Variants in DCTN1 observed in about 807,000 individuals in gnomAD.
The protein encoded by DCTN1 is dynactin subunit 1.
In DCTN1, 61 loss-of-function variants were observed where a neutral mutation model predicts 161.2. That is an observed-to-expected ratio of 0.38 (90% CI 0.31 to 0.47). The LOEUF (loss-of-function observed/expected upper bound fraction) is 0.47, where lower values mean the gene tolerates loss of function less well. DCTN1 is among the 20% of genes least tolerant of loss of function. DCTN1 has a pLI of 0.99. For missense variants in DCTN1, 1,404 were observed against 1,623.7 expected, an observed-to-expected ratio of 0.86 and a Z score of 2.33; for synonymous variants, 653 against 632.4, an observed-to-expected ratio of 1.03 and a Z score of -0.49.
In DCTN1 at chr2:74,376,764, T is replaced by C; in HGVS notation, c.394-2A>G. 1.2e-6 allele frequency: 2 copies of C among 1,604,356 alleles called. No individual in the cohort carries two copies. The highest frequency in any genetic ancestry group is 1.7e-6 in the Non-Finnish European group (2 of 1,175,448). On this transcript the variant is annotated splice_acceptor_variant, in intron 4 of 31. Coordinates refer to ENST00000628224, the MANE Select transcript of DCTN1 (RefSeq NM_004082.5). LOFTEE classifies it high-confidence loss of function. ...CACCTTCTTAGGCTTCAGTCCCCGCTGCATGAGGAGTAGGAAAGGGCAGAG... is the reference window on the plus strand; with the variant it reads ...CACCTTCTTAGGCTTCAGTCCCCGCCGCATGAGGAGTAGGAAAGGGCAGAG...
At chr2:74,378,389 A>T in intron 1 of DCTN1, 144 bp from the exon 2 acceptor site, 1 of 992,516 alleles carries the variant, frequency 1.0e-6, no homozygotes, top group Non-Finnish European at 1.5e-6. Flanking sequence ...AATTGGGTGG[A>T]CCCCCAAATT....
Position 74,372,163 on chromosome 2 carries a change from C to A in DCTN1, c.454-435G>T, listed in dbSNP as rs547032119. The A allele has an allele frequency of 3.5e-4, 70 of 202,624 alleles. No homozygotes were observed. The South Asian group carries it at 5.6e-3, about 16-fold the overall frequency. 12.6% of individuals were successfully genotyped at this position (202,624 alleles called of 1,614,324 possible). A position where few individuals can be genotyped will look rare whatever the true frequency, so the allele number is the denominator to read the frequency against. On this transcript the variant is annotated intron_variant, in intron 7 of 31. Transcript: ENST00000628224. ...CCTTGCTCCAGGTCTATGCCCTCCACCCCTAGACGGAAAAAGTACAATCTA... is the reference window on the plus strand; with the variant it reads ...CCTTGCTCCAGGTCTATGCCCTCCAACCCTAGACGGAAAAAGTACAATCTA...
intron 29 of DCTN1, 69 bp from the exon 30 acceptor site, chr2:74,362,798 G>A: frequency 1.3e-6 from 2 of 1,486,246 alleles, no homozygotes; most frequent in Non-Finnish European, 1.9e-6. Context: ...TTAAGGGTTA[G>A]GGGTGCAGGT....
upstream of DCTN1, among the ~76,000 whole-genome samples, chr2:74,381,286 G>A (rs1228572675): frequency 6.6e-6 from 1 of 152,172 alleles, no homozygotes; most frequent in African/African-American, 2.4e-5. Flanking sequence ...GCTCCACTGA[G>A]TATGGTATGG....
rs148810193 is a variant in DCTN1 at position 74,372,939 on chromosome 2, G to T, written c.442C>A (p.Arg148=). ...GCCTGTTTTCTCACCTTGGGTCGCC[G>T]AGTTGTGGTCTGGACAGGCAACAGG... ...KAPTARKTTT[R]RPKPTRPAST... is the part of the protein sequence containing the mutation. Residue 148 remains arginine, a synonymous_variant, in exon 7 of 32, where the codon CGG becomes AGG. Transcript: ENST00000628224. 1 of 1,613,894 alleles carries T rather than the reference G, an allele frequency of 6.2e-7. No homozygotes were observed. Among genetic ancestry groups the T allele is most frequent in the Non-Finnish European group, 8.5e-7 (1 of 1,180,002 alleles).
chr2:74,365,861 G>A, intron 24 of DCTN1, 32 bp downstream of exon 24: 2 of 1,613,910 alleles, frequency 1.2e-6, no homozygotes, highest in Non-Finnish European at 8.5e-7. Context: ...CAATTTCCTG[G>A]CCCCCAGATC....
chr2:74,368,709 T>A lies in DCTN1; in HGVS notation c.1854+19A>T. ...AAGTTCACTAGATTTCTGTGGAACATGTGATTGATTGGCCATACCTTGCAA... is the reference window on the plus strand; with the variant it reads ...AAGTTCACTAGATTTCTGTGGAACAAGTGATTGATTGGCCATACCTTGCAA... On this transcript the variant is annotated intron_variant, in intron 16 of 31. Transcript: ENST00000628224. 1 of 1,614,224 alleles carries A rather than the reference T, an allele frequency of 6.2e-7. No individual in the cohort carries two copies. Among genetic ancestry groups the A allele is most frequent in the South Asian group, 1.1e-5 (1 of 91,082 alleles).
intron 3 of DCTN1, 43 bp downstream of exon 3, chr2:74,377,605 C>A (rs1029260769): frequency 1.9e-6 from 3 of 1,557,344 alleles, no homozygotes; most frequent in Non-Finnish European, 2.7e-6. Flanking sequence ...CCTGGGGACT[C>A]CTCCTGGCTA....
At chr2:74,391,814 C>T (rs1483192101) in exon 1 of DCTN1, 1 of 453,882 alleles carries the variant, frequency 2.2e-6, no homozygotes, top group Admixed American at 2.3e-5. Context: ...AGGGGCTCCG[C>T]GCCCAGCTCC....
chr2:74,378,207 G>A lies in DCTN1; in HGVS notation c.72C>T (p.Ala24=), dbSNP rs368633620. The change falls in exon 2 of 32, where the codon GCC becomes GCT. Residue 24 remains alanine, a synonymous_variant. Coordinates refer to ENST00000628224, the MANE Select transcript of DCTN1 (RefSeq NM_004082.5). ...CACGGGAGCCCACCCGCAGAGGCCG[G>A]GCGCTTGCCTCCGCACTCATCCTGC... The part of the protein sequence containing the change: ...SGSRMSAEAS[A]RPLRVGSRVE... 1.1e-4 allele frequency: 176 copies of A among 1,611,984 alleles called. 1 individual carries two copies. In the South Asian group the frequency reaches 1.6e-3, roughly 14 times the overall value.
Position 74,371,556 on chromosome 2 carries a change from G to C in DCTN1, c.626C>G (p.Pro209Arg), listed in dbSNP as rs112725508. ...PVLTSPGAVP[P>R]LPSPSKEEEG... ...CCTTACCTTGGATGGGGAAGGAAGC[G>C]GGGGGACTGCTCCAGGAGAGGTGAG... The change falls in exon 8 of 32, where the codon CCG becomes CGG. Residue 209 changes from proline to arginine, a missense_variant. Pro to Arg is a moderately radical substitution (Grantham distance 103). Around this residue, in one of 9 missense-constraint regions of DCTN1, gnomAD observed 174 missense variants for 175.6 expected, o/e 0.99. Transcript: ENST00000628224. 2.1e-5 allele frequency: 33 copies of C among 1,579,222 alleles called. No homozygotes were observed. Among genetic ancestry groups the C allele is most frequent in the African/African-American group, 9.4e-5 (7 of 74,380 alleles).
chr2:74,377,196 C>G lies in DCTN1; in HGVS notation c.393+236G>C, dbSNP rs575186969. On this transcript the variant is annotated intron_variant, in intron 4 of 31. Transcript: ENST00000628224. ...GACCTGTCCTTCCTATCACCCTCAGCTCAATCTCATTTGACCCTGAACTTC... is the reference window on the plus strand; with the variant it reads ...GACCTGTCCTTCCTATCACCCTCAGGTCAATCTCATTTGACCCTGAACTTC... Among the ~76,000 whole-genome samples, 6 of 152,340 alleles carry G rather than the reference C, an allele frequency of 3.9e-5. No homozygotes were observed. The South Asian group carries it at 1.2e-3, about 32-fold the overall frequency.
intron 6 of DCTN1, chr2:74,373,348 A>C: frequency 6.5e-6 from 2 of 309,392 alleles, no homozygotes; most frequent in Admixed American, 8.1e-5. Flanking sequence ...CCCAGCCACC[A>C]CTCCCAAGGA....
intron 5 of DCTN1, chr2:74,374,638 T>C: frequency 8.2e-7 from 1 of 1,226,414 alleles, no homozygotes. Context: ...CTGGCCCAGT[T>C]CACCAGCTTA....
rs1674790846 is a variant in DCTN1, at chr2:74,370,900, CT to C, written c.844-76del. The stretch of plus-strand genomic sequence containing the variant: ...GGCCTTTCTCACAGTATGTTCCAGG[CT>C]CCAGCTCCAGTCTAGTTTCCAGCAT... On this transcript the variant is annotated intron_variant, in intron 9 of 31. Coordinates refer to ENST00000628224, the MANE Select transcript of DCTN1 (RefSeq NM_004082.5). This position sits in a 1 kb window ranked among gnomAD's most constrained non-coding sequence, Gnocchi z 4.4. The C allele has an allele frequency of 1.2e-6, 2 of 1,613,258 alleles. No individual in the cohort carries two copies. Among genetic ancestry groups the C allele is most frequent in the Non-Finnish European group, 1.7e-6 (2 of 1,179,850 alleles).
At chr2:74,389,058 G>T (rs1254411329) in intron 1 of DCTN1, among the ~76,000 whole-genome samples, 2 of 152,088 alleles carry the variant, frequency 1.3e-5, no homozygotes, top group Admixed American at 1.3e-4. Flanking sequence ...CAGGGTAAAA[G>T]AACCACAGAG....
In DCTN1 at chr2:74,371,825, G is replaced by A. The variant is rs551164130; in HGVS notation, c.454-97C>T. The A allele has an allele frequency of 1.6e-5, 16 of 997,564 alleles. No homozygotes were observed. In the African/African-American group the frequency reaches 2.5e-4, roughly 16 times the overall value. 61.8% of individuals were successfully genotyped at this position (997,564 alleles called of 1,614,324 possible). On this transcript the variant is annotated intron_variant, in intron 7 of 31. Transcript: ENST00000628224. ...ATATGAGAATATGGCAAGGGAAGGA[G>A]ACAGAAAAGGGAAAAAGCAGAAAGA...
Position 74,368,050 on chromosome 2 carries a change from C to A in DCTN1, c.1936G>T (p.Ala646Ser), listed in dbSNP as rs146865209. The A allele has an allele frequency of 2.7e-5, 44 of 1,613,630 alleles. No homozygotes were observed. The highest frequency in any genetic ancestry group is 3.6e-5 in the Non-Finnish European group (43 of 1,179,814). The change falls in exon 17 of 32, where the codon GCT (alanine) becomes TCT (serine). Residue 646 changes from alanine to serine, a missense_variant. Ala to Ser is a moderately conservative substitution (Grantham distance 99, BLOSUM62 1). Coordinates refer to ENST00000628224, the MANE Select transcript of DCTN1 (RefSeq NM_004082.5). ...CSERPGLRGA[A>S]GEQLSFAAGL... ...GCAGCAAAGCTGAGTTGCTCCCCAG[C>A]AGCTCCTCGCAGCCCAGGCCGCTCT... is the stretch of plus-strand genomic sequence containing the variant.
In DCTN1 at chr2:74,368,676, T is replaced by C. The variant is rs56943021; in HGVS notation, c.1854+52A>G. The C allele has an allele frequency of 1.3e-3, 2,032 of 1,613,522 alleles. 24 individuals are homozygous for C. The African/African-American group carries it at 0.024, about 19-fold the overall frequency. On this transcript the variant is annotated intron_variant, in intron 16 of 31. Transcript: ENST00000628224. ...TTCACTCAGCATCTTCAATGCCTGG[T>C]TCATGGCAAGTTCACTAGATTTCTG...
Sources: gnomAD v4.1 joint callset for allele counts (sites outside exome capture counted in the v4.1 genomes callset) on GRCh38, gnomAD v4.1.1 for gene constraint, gnomAD v4.1.1 regional missense constraint, Gnocchi (gnomAD v3.1) non-coding constraint, MANE v1.5 for transcripts, NCBI Gene and HGNC (gene_info 2026-07-23, HGNC 2026-07-21) for gene names.